SLC9D1: variants seen among roughly 807,000 people sequenced by gnomAD.
SLC9D1 encodes the protein putative LAG1-interacting protein.
the SLC9D1 span, among the ~76,000 whole-genome samples, chr13:113,545,357 C>G: frequency 6.6e-6 from 1 of 152,140 alleles, no homozygotes. Flanking sequence ...GCCCAGGAAC[C>G]CAAGACTTGA....
At chr13:113,549,290 C>T in the SLC9D1 span, 9 of 996,218 alleles carry the variant, frequency 9.0e-6, no homozygotes, top group Middle Eastern at 3.1e-4. Context: ...CAGCACTCAG[C>T]GTGACTGTGC....
chr13:113,539,339 G>A, the SLC9D1 span: 1 of 1,609,250 alleles, frequency 6.2e-7, no homozygotes, highest in Non-Finnish European at 8.5e-7. The surrounding 1 kb of genome is among the most constrained non-coding windows in gnomAD (Gnocchi z 4.8). Context: ...ATGTAAAGCT[G>A]CGTCCTGCCT....
At chr13:113,539,315 C>T in the SLC9D1 span, 4 of 1,596,504 alleles carry the variant, frequency 2.5e-6, no homozygotes, top group Non-Finnish European at 3.4e-6. This position sits in a 1 kb window ranked among gnomAD's most constrained non-coding sequence, Gnocchi z 4.8. Context: ...GACCCTGGTG[C>T]ACTGTGGGGT....
the SLC9D1 span, among the ~76,000 whole-genome samples, chr13:113,521,937 T>G: frequency 6.6e-6 from 1 of 152,350 alleles, no homozygotes; most frequent in East Asian, 1.9e-4. Flanking sequence ...TTGCATTTCT[T>G]ACAGCAATGA....
At chr13:113,540,265 A>T in the SLC9D1 span, among the ~76,000 whole-genome samples, 2 of 152,192 alleles carry the variant, frequency 1.3e-5, no homozygotes, top group South Asian at 2.1e-4. Context: ...CAGCAGTGGG[A>T]TTGCTGGGTC....
chr13:113,535,809 T>C, the SLC9D1 span, among the ~76,000 whole-genome samples: 2 of 152,042 alleles, frequency 1.3e-5, no homozygotes, highest in Non-Finnish European at 2.9e-5. This position sits in a 1 kb window ranked among gnomAD's most constrained non-coding sequence, Gnocchi z 4.1. Flanking sequence ...GCACTCGCTG[T>C]CTTCGCTGTG....
the SLC9D1 span, among the ~76,000 whole-genome samples, chr13:113,522,210 CTT>C: frequency 2.0e-5 from 3 of 152,214 alleles, no homozygotes; most frequent in Non-Finnish European, 4.4e-5. Flanking sequence ...TGTAGACTCT[CTT>C]TGTCAAGCTG....
At chr13:113,509,196 A>C in the SLC9D1 span, among the ~76,000 whole-genome samples, 4,514 of 98,560 alleles carry the variant, frequency 0.046, 25 homozygotes, top group African/African-American at 0.11. Flanking sequence ...TCCCCCCTGG[A>C]GCTGCCTGTG....
the SLC9D1 span, among the ~76,000 whole-genome samples, chr13:113,521,130 G>C: frequency 7.9e-3 from 1,201 of 152,200 alleles, 14 homozygotes; most frequent in African/African-American, 0.027. Context: ...GTGTGTGTGT[G>C]TGTAGGTAGG....
chr13:113,498,203 G>A, the SLC9D1 span: 16 of 612,680 alleles, frequency 2.6e-5, no homozygotes, highest in South Asian at 1.5e-4. Context: ...ACTAGGACAC[G>A]TGACTTCCCT....
At chr13:113,491,851 C>T in the SLC9D1 span, among the ~76,000 whole-genome samples, 4 of 152,240 alleles carry the variant, frequency 2.6e-5, no homozygotes, top group East Asian at 5.8e-4. Flanking sequence ...AAGACCGCTG[C>T]GTATCGGGTC....
the SLC9D1 span, among the ~76,000 whole-genome samples, chr13:113,522,050 C>T: frequency 0.21 from 31,728 of 152,036 alleles, 3,997 homozygotes; most frequent in African/African-American, 0.35. Context: ...CTTTCCAACC[C>T]GTATGCTTTT....
the SLC9D1 span, among the ~76,000 whole-genome samples, chr13:113,501,454 G>A: frequency 0.026 from 3,939 of 152,262 alleles, 105 homozygotes; most frequent in East Asian, 0.12. Flanking sequence ...TTGAGCATCC[G>A]AGGATTCTGG....
At chr13:113,531,625 C>T in the SLC9D1 span, among the ~76,000 whole-genome samples, 839 of 150,852 alleles carry the variant, frequency 5.6e-3, 6 homozygotes, top group African/African-American at 0.015. Flanking sequence ...GCAGGTGGCA[C>T]GGCGCCCCGT....
the SLC9D1 span, among the ~76,000 whole-genome samples, chr13:113,538,800 T>C: frequency 2.0e-5 from 3 of 152,276 alleles, no homozygotes; most frequent in Non-Finnish European, 2.9e-5. Flanking sequence ...AAGGCTGCCA[T>C]AAGCCTGCGT....
the SLC9D1 span, among the ~76,000 whole-genome samples, chr13:113,538,842 C>T: frequency 6.6e-5 from 10 of 152,336 alleles, no homozygotes; most frequent in African/African-American, 2.4e-4. Flanking sequence ...TCCCGTGTCG[C>T]GGCCGTCCGG....
At chr13:113,525,964 C>T in the SLC9D1 span, among the ~76,000 whole-genome samples, 2 of 151,526 alleles carry the variant, frequency 1.3e-5, no homozygotes, top group East Asian at 1.9e-4. Context: ...AAGCCGTCGT[C>T]GTCGTAGGAG....
At chr13:113,515,545 T>C in the SLC9D1 span, among the ~76,000 whole-genome samples, 1 of 152,110 alleles carries the variant, frequency 6.6e-6, no homozygotes, top group East Asian at 1.9e-4. Context: ...GTTCATGACA[T>C]GCTTTGTACC....
the SLC9D1 span, chr13:113,505,558 G>A: frequency 2.0e-5 from 3 of 152,176 alleles, no homozygotes; most frequent in African/African-American, 7.2e-5. Flanking sequence ...AAAGCTAAAT[G>A]TGGGGAAAAA....
Sources: gnomAD v4.1 joint callset for allele counts (sites outside exome capture counted in the v4.1 genomes callset) on GRCh38, gnomAD v4.1.1 for gene constraint, Gnocchi (gnomAD v3.1) non-coding constraint, MANE v1.5 for transcripts, NCBI Gene and HGNC (gene_info 2026-07-23, HGNC 2026-07-21) for gene names.